REV3L: variants seen among roughly 807,000 people sequenced by gnomAD.
REV3L encodes DNA polymerase zeta catalytic subunit.
Under a neutral mutation model 299.4 loss-of-function variants are expected in REV3L, and 69 were observed. The observed-to-expected ratio is 0.23, with a 90% CI of 0.19 to 0.28. The LOEUF is 0.28. Among genes scored for constraint, REV3L ranks in the 10% least tolerant of loss-of-function variants. REV3L has a pLI of 1.00. For missense variants in REV3L, 3,128 were observed against 3,693.8 expected (o/e 0.85, Z 3.97); for synonymous variants, 1,238 against 1,271.4 (o/e 0.97, Z 0.56).
chr6:111,380,036 A>C lies in REV3L; in HGVS notation c.1400T>G (p.Leu467Trp). Residue 467 changes from leucine to tryptophan, a missense_variant, in exon 11 of 32, where the codon TTG becomes TGG. Leu to Trp is a moderately conservative substitution (Grantham distance 61). Coordinates refer to ENST00000368802, the MANE Select transcript of REV3L (RefSeq NM_001372078.1). ...QIEKEEMELSLVMSQRWDSNI... is the reference protein window; with the variant it reads ...QIEKEEMELSWVMSQRWDSNI... ...GCTGTCCCATCTCTGGGACATCACCAAACTAAGCTCCATTTCCTCTTTTTC... is the reference window on the plus strand; with the variant it reads ...GCTGTCCCATCTCTGGGACATCACCCAACTAAGCTCCATTTCCTCTTTTTC... 1 of 1,614,106 alleles carries C rather than the reference A, an allele frequency of 6.2e-7. No individual in the cohort carries two copies.
intron 1 of REV3L, chr6:111,431,342 C>T: frequency 9.5e-7 from 1 of 1,049,294 alleles, no homozygotes; most frequent in Non-Finnish European, 1.5e-6. Context: ...AGTAGAGCCA[C>T]CAGGATGTCT....
chr6:111,348,113 TA>T (rs1777209382), intron 20 of REV3L, among the ~76,000 whole-genome samples: 1 of 152,124 alleles, frequency 6.6e-6, no homozygotes, highest in African/African-American at 2.4e-5. Context: ...AATTGTTTTT[TA>T]TTTTTTATTT....
chr6:111,420,369 G>A (rs974459764), intron 1 of REV3L, among the ~76,000 whole-genome samples: 2 of 152,130 alleles, frequency 1.3e-5, no homozygotes, highest in East Asian at 3.9e-4. Context: ...TTTGTGGTAA[G>A]AGCATTTAAA....
At chr6:111,460,403 G>A (rs1246845137) in intron 1 of REV3L, 1 of 137,622 alleles carries the variant, frequency 7.3e-6, no homozygotes, top group Admixed American at 7.8e-5. Context: ...GGTACACCCG[G>A]AATCTAAAAT....
intron 5 of REV3L, among the ~76,000 whole-genome samples, 162 bp from the exon 6 acceptor site, chr6:111,390,342 A>G (rs1048746482): frequency 4.6e-5 from 7 of 152,204 alleles, no homozygotes; most frequent in African/African-American, 1.4e-4. Flanking sequence ...TGTATATATA[A>G]TGAAAAATAG....
Position 111,377,812 on chromosome 6 carries a change from T to A in REV3L, c.1486A>T (p.Thr496Ser). 1 of 1,612,734 alleles carries A rather than the reference T, an allele frequency of 6.2e-7. No homozygotes were observed. The highest frequency in any genetic ancestry group is 8.5e-7 in the Non-Finnish European group (1 of 1,179,374). Residue 496 changes from threonine to serine, a missense_variant, in exon 12 of 32, where the codon ACT becomes TCT. Thr to Ser is a moderately conservative substitution (Grantham distance 58). Transcript: ENST00000368802. The part of the protein sequence containing the change: ...SLCRNTHRSS[T>S]EDDDSSSGEE... ...CCTGAAGATGAGTCATCATCTTCAG[T>A]TGAACTTCTGTGGGTATTTCTGCAC... is the stretch of plus-strand genomic sequence containing the variant.
intron 31 of REV3L, among the ~76,000 whole-genome samples, chr6:111,305,951 T>C (rs933640205): frequency 6.6e-6 from 1 of 152,240 alleles, no homozygotes; most frequent in Non-Finnish European, 1.5e-5. Context: ...TGAAAGTTGG[T>C]TGGTAATAAC....
At chr6:111,457,628 T>C (rs1029255908) in intron 1 of REV3L, among the ~76,000 whole-genome samples, 1 of 151,600 alleles carries the variant, frequency 6.6e-6, no homozygotes, top group East Asian at 1.9e-4. Context: ...GTAATCTCCC[T>C]GAAAAATCTC....
At chr6:111,358,443 T>C (rs548033452) in intron 17 of REV3L, among the ~76,000 whole-genome samples, 8 of 152,230 alleles carry the variant, frequency 5.3e-5, no homozygotes, top group South Asian at 2.1e-4. Flanking sequence ...TTATATTGCA[T>C]TGCTTCTGAC....
At position 111,373,902 on chromosome 6, in the gene REV3L, T is replaced by C. The variant is rs749138739; in HGVS notation, c.4453A>G (p.Asn1485Asp). The change falls in exon 13 of 32, where the codon AAT (asparagine) becomes GAT (aspartate). Residue 1485 changes from asparagine to aspartate, a missense_variant. By Grantham distance (23) the Asn-to-Asp change is conservative. This residue lies in a region of REV3L where 2,409 missense variants were observed against 2,611.8 expected (regional missense o/e 0.92). Coordinates refer to ENST00000368802, the MANE Select transcript of REV3L (RefSeq NM_001372078.1). ...KQRGFILDMS[N>D]FKPERVKPRS... is the part of the protein sequence containing the mutation. ...GGTTTTACTCTTTCAGGTTTAAAATTTGACATATCTAAAATAAAGCCCCTT... is the reference window on the plus strand; with the variant it reads ...GGTTTTACTCTTTCAGGTTTAAAATCTGACATATCTAAAATAAAGCCCCTT... 30 of 1,613,898 alleles carry C rather than the reference T, an allele frequency of 1.9e-5. No homozygotes were observed. The highest frequency in any genetic ancestry group is 1.5e-4 in the Admixed American group (9 of 59,978).
intron 26 of REV3L, among the ~76,000 whole-genome samples, chr6:111,318,043 G>T (rs796129951): frequency 3.3e-5 from 5 of 151,928 alleles, no homozygotes; most frequent in Non-Finnish European, 5.9e-5. Context: ...CTCCAATGAA[G>T]AATCATACAC....
chr6:111,418,191 C>G (rs1784961337), intron 1 of REV3L, among the ~76,000 whole-genome samples: 1 of 152,158 alleles, frequency 6.6e-6, no homozygotes, highest in Admixed American at 6.5e-5. Context: ...ATTATTTCCT[C>G]TTAAGTTGAC....
intron 14 of REV3L, among the ~76,000 whole-genome samples, chr6:111,366,784 G>A (rs1779265458): frequency 1.3e-5 from 2 of 152,120 alleles, no homozygotes; most frequent in African/African-American, 4.8e-5. Context: ...AAGCTGGCTG[G>A]AGACGTGAGG....
chr6:111,411,616 T>C, intron 2 of REV3L, 62 bp from the exon 3 acceptor site: 2 of 1,078,394 alleles, frequency 1.9e-6, no homozygotes, highest in South Asian at 2.9e-5. Flanking sequence ...ATAATGCAAC[T>C]TATTGCCCTA....
chr6:111,483,406 G>GGCCGGCA (rs1187688108), upstream of REV3L: 230 of 433,424 alleles, frequency 5.3e-4, no homozygotes, highest in African/African-American at 4.4e-3. Context: ...GGCGGCCGGC[G>GGCCGGCA]GCCGGCAGCG....
At chr6:111,411,134 C>T (rs1456948976) in intron 3 of REV3L, among the ~76,000 whole-genome samples, 2 of 152,212 alleles carry the variant, frequency 1.3e-5, no homozygotes, top group Non-Finnish European at 1.5e-5. Flanking sequence ...CTCACTCCTA[C>T]ATATTTCCCC....
At chr6:111,420,170 G>A (rs1785173702) in intron 1 of REV3L, among the ~76,000 whole-genome samples, 1 of 152,056 alleles carries the variant, frequency 6.6e-6, no homozygotes, top group South Asian at 2.1e-4. Context: ...AGGAGTCAGG[G>A]TATTAGGTAT....
intron 1 of REV3L, among the ~76,000 whole-genome samples, chr6:111,440,068 A>ATT (rs60710331): frequency 2.2e-4 from 32 of 147,770 alleles, no homozygotes; most frequent in African/African-American, 7.7e-4. Context: ...TGAAGCACAG[A>ATT]TTTTTTTTTT....
rs1771262388 is a variant in REV3L, at chr6:111,299,677, T to TTTTC, written c.*335_*338dup. On this transcript the variant is annotated 3_prime_UTR_variant, in exon 32 of 32. Coordinates refer to ENST00000368802, the MANE Select transcript of REV3L (RefSeq NM_001372078.1). Reference sequence around the variant, plus strand: ...AGTTCAAGGAAAACACACAAATGCTTTTTCTTTAAGAGGTTTTCAGTGCTC... The same window carrying TTTTC: ...AGTTCAAGGAAAACACACAAATGCTTTTTCTTTCTTTAAGAGGTTTTCAGTGCTC... 1.8e-5 allele frequency: 3 copies of TTTTC among 165,434 alleles called. No homozygotes were observed. The highest frequency in any genetic ancestry group is 2.4e-5 in the African/African-American group (1 of 41,972). 10.2% of individuals were successfully genotyped at this position (165,434 alleles called of 1,614,324 possible).
Sources: gnomAD v4.1 joint callset for allele counts (sites outside exome capture counted in the v4.1 genomes callset) on GRCh38, gnomAD v4.1.1 for gene constraint, gnomAD v4.1.1 regional missense constraint, MANE v1.5 for transcripts, NCBI Gene and HGNC (gene_info 2026-07-23, HGNC 2026-07-21) for gene names.